The following SKA1 variants were observed in gnomAD, a reference collection of about 807,000 sequenced individuals.
The protein encoded by SKA1 is spindle and kinetochore associated complex subunit 1.
A neutral mutation model predicts 31.8 loss-of-function variants in SKA1; 20 were observed. The observed-to-expected ratio is 0.63, with a 90% CI of 0.44 to 0.91. The LOEUF (loss-of-function observed/expected upper bound fraction) is 0.91, where lower values mean the gene tolerates loss of function less well. SKA1 is among the 40% of genes least tolerant of loss of function. The pLI is 0.00. For missense variants in SKA1, 253 were observed against 298.2 expected (o/e 0.85, Z 1.12); for synonymous variants, 88 against 100.5 (o/e 0.88, Z 0.74).
At chr18:50,390,306 A>G (rs552749597) in intron 5 of SKA1, among the ~76,000 whole-genome samples, 20 of 152,358 alleles carry the variant, frequency 1.3e-4, no homozygotes, top group African/African-American at 4.6e-4. Context: ...TACTTTGAAT[A>G]GAAATGAAGG....
Position 50,393,573 on chromosome 18 carries a change from G to A in SKA1, c.*1326G>A, listed in dbSNP as rs1353220036. Reference sequence around the variant, plus strand: ...TACACCAGTCTGTAAACTTCAACCTGTAATGAAAGTGTAATAAATGTACAT... The same window carrying A: ...TACACCAGTCTGTAAACTTCAACCTATAATGAAAGTGTAATAAATGTACAT... On this transcript the variant is annotated 3_prime_UTR_variant, in exon 7 of 7. Coordinates refer to ENST00000285116, the MANE Select transcript of SKA1 (RefSeq NM_145060.4). 6.6e-6 allele frequency: 1 copy of A among 152,178 alleles called. No individual in the cohort carries two copies. The highest frequency in any genetic ancestry group is 1.9e-4 in the East Asian group (1 of 5,188). The allele number at this position is 152,178 out of a possible 1,614,324, so 9.4% of individuals were successfully genotyped here. A position where few individuals can be genotyped will look rare whatever the true frequency, so the allele number is the denominator to read the frequency against.
chr18:50,389,179 C>G (rs893556679), intron 5 of SKA1, among the ~76,000 whole-genome samples: 12 of 152,014 alleles, frequency 7.9e-5, no homozygotes, highest in African/African-American at 2.9e-4. Flanking sequence ...AGTTTTTACT[C>G]CTGTTGGTAG....
At chr18:50,375,634 A>AAGTC (rs1476275563) in intron 1 of SKA1, among the ~76,000 whole-genome samples, 186 bp from the exon 2 acceptor site, 2 of 152,190 alleles carry the variant, frequency 1.3e-5, no homozygotes, top group African/African-American at 4.8e-5. Context: ...GCTCTAAGAC[A>AAGTC]AGTCAGTACG....
At chr18:50,389,675 G>A (rs145982788) in intron 5 of SKA1, among the ~76,000 whole-genome samples, 18 of 152,152 alleles carry the variant, frequency 1.2e-4, no homozygotes, top group African/African-American at 3.6e-4. Flanking sequence ...GAGATTACAG[G>A]TGTGAGCCAC....
rs1433516991 is a variant in SKA1, at chr18:50,392,315, A to G, written c.*68A>G. The G allele has an allele frequency of 9.8e-7, 1 of 1,019,014 alleles. No homozygotes were observed. The highest frequency in any genetic ancestry group is 1.3e-6 in the Non-Finnish European group (1 of 773,840). The allele number at this position is 1,019,014 out of a possible 1,614,324, so 63.1% of individuals were successfully genotyped here. ...TAGAGGCTATTTCTATAATTTTCTT[A>G]TATATAATTTTTTTAACTTTTAATC... On this transcript the variant is annotated 3_prime_UTR_variant, in exon 7 of 7. Coordinates refer to ENST00000285116, the MANE Select transcript of SKA1 (RefSeq NM_145060.4).
intron 2 of SKA1, among the ~76,000 whole-genome samples, chr18:50,377,255 G>T (rs2041226078): frequency 6.6e-6 from 1 of 152,094 alleles, no homozygotes; most frequent in Non-Finnish European, 1.5e-5. Context: ...ATGTTATGAT[G>T]GCTCCGATGT....
chr18:50,387,436 G>A (rs8082970), intron 5 of SKA1, among the ~76,000 whole-genome samples: 1 of 152,118 alleles, frequency 6.6e-6, no homozygotes, highest in Non-Finnish European at 1.5e-5. Context: ...TTGTTTTCTT[G>A]TCATTGAATT....
intron 2 of SKA1, among the ~76,000 whole-genome samples, chr18:50,377,425 C>A (rs1040885752): frequency 1.3e-5 from 2 of 152,174 alleles, no homozygotes; most frequent in African/African-American, 4.8e-5. Context: ...TAGTTCATAA[C>A]CCATCTTAGA....
At chr18:50,385,402 A>T in intron 5 of SKA1, 49 bp downstream of exon 5, 1 of 1,413,996 alleles carries the variant, frequency 7.1e-7, no homozygotes, top group East Asian at 2.4e-5. Flanking sequence ...AACATAAATG[A>T]TCGTTTAAAT....
chr18:50,384,739 G>A (rs2041289833), intron 4 of SKA1, among the ~76,000 whole-genome samples: 1 of 132,224 alleles, frequency 7.6e-6, no homozygotes. Flanking sequence ...ATAGCATTGG[G>A]AGATATACCT....
chr18:50,375,969 T>G, intron 2 of SKA1, 51 bp downstream of exon 2: 1 of 1,102,334 alleles, frequency 9.1e-7, no homozygotes, highest in Non-Finnish European at 1.3e-6. Context: ...GCATTTTGAT[T>G]ATTCCACTCT....
chr18:50,386,833 C>T (rs563537270), intron 5 of SKA1, among the ~76,000 whole-genome samples: 3 of 152,254 alleles, frequency 2.0e-5, no homozygotes, highest in African/African-American at 7.2e-5. Flanking sequence ...GATTTATGAT[C>T]CCTTGTACCT....
rs1216921583 is a variant in SKA1, at chr18:50,375,106, C to G, written c.-100C>G. 6.6e-5 allele frequency: 10 copies of G among 152,542 alleles called. No homozygotes were observed. The East Asian group carries it at 1.9e-3, about 29-fold the overall frequency. 9.4% of individuals were successfully genotyped at this position (152,542 alleles called of 1,614,324 possible). A position where few individuals can be genotyped will look rare whatever the true frequency, so the allele number is the denominator to read the frequency against. On this transcript the variant is annotated 5_prime_UTR_variant, in exon 1 of 7. Coordinates refer to ENST00000285116, the MANE Select transcript of SKA1 (RefSeq NM_145060.4). ...TTGAATTTTGCTTACAGAGTCCCGT[C>G]TCACCATCCTGGGCTTCCAACGGAG...
rs759999106 is a variant in SKA1, at chr18:50,392,083, A to C, written c.620-16A>C. On this transcript the variant is annotated splice_polypyrimidine_tract_variant and intron_variant, in intron 6 of 6. Transcript: ENST00000285116. ...GTTGGCCTTATAAAAATTAGCACTA[A>C]TATCTTTATTTTTAGGTCGTTATTT... The C allele has an allele frequency of 6.5e-7, 1 of 1,549,754 alleles. No homozygotes were observed. The highest frequency in any genetic ancestry group is 8.7e-7 in the Non-Finnish European group (1 of 1,154,262).
At chr18:50,385,382 C>T in intron 5 of SKA1, 29 bp downstream of exon 5, 2 of 1,506,560 alleles carry the variant, frequency 1.3e-6, no homozygotes, top group Non-Finnish European at 1.8e-6. Context: ...TAATGTTCAA[C>T]CCCTTAATAA....
chr18:50,384,871 T>TTAAAAAAAAAAAAAAAAAAA (rs2041291752), intron 4 of SKA1, among the ~76,000 whole-genome samples: 1 of 82,600 alleles, frequency 1.2e-5, no homozygotes, highest in Non-Finnish European at 2.1e-5. Context: ...AAAAAAAAAT[T>TTAAAAAAAAAAAAAAAAAAA]AAAAAAAAAA....
chr18:50,384,871 T>TAAAAAAAAAAAAAAAAAAGA (rs2041292028), intron 4 of SKA1, among the ~76,000 whole-genome samples: 8 of 82,598 alleles, frequency 9.7e-5, no homozygotes, highest in African/African-American at 1.1e-4. Context: ...AAAAAAAAAT[T>TAAAAAAAAAAAAAAAAAAGA]AAAAAAAAAA....
At chr18:50,391,542 C>G (rs1278844086) in intron 6 of SKA1, among the ~76,000 whole-genome samples, 2 of 152,068 alleles carry the variant, frequency 1.3e-5, no homozygotes, top group Admixed American at 1.3e-4. Flanking sequence ...AGGATAGCAC[C>G]CACAAAATAA....
intron 4 of SKA1, 148 bp from the exon 5 acceptor site, chr18:50,385,067 AC>A (rs2041295824): frequency 2.8e-5 from 17 of 601,888 alleles, no homozygotes; most frequent in Non-Finnish European, 4.7e-5. Flanking sequence ...ATGTTCATGA[AC>A]AATAGACATA....
Sources: gnomAD v4.1 joint callset for allele counts (sites outside exome capture counted in the v4.1 genomes callset) on GRCh38, gnomAD v4.1.1 for gene constraint, MANE v1.5 for transcripts, NCBI Gene and HGNC (gene_info 2026-07-23, HGNC 2026-07-21) for gene names.